The following ICA1 variants were observed in gnomAD, a reference collection of about 807,000 sequenced individuals.
ICA1 encodes the protein 69 kDa islet cell autoantigen.
ICA1 carries 40 observed loss-of-function variants against 71.0 expected under a neutral mutation model. The observed-to-expected ratio is 0.56, with a 90% confidence interval of 0.44 to 0.73. The LOEUF is 0.73. ICA1 is among the 30% of genes least tolerant of loss of function. ICA1 has a pLI of 0.00. For missense variants in ICA1, 578 were observed against 576.5 expected (o/e 1.00, Z -0.03); for synonymous variants, 207 against 209.5 (o/e 0.99, Z 0.10).
chr7:8,242,379 C>T (rs1347264137), intron 1 of ICA1, among the ~76,000 whole-genome samples: 1 of 152,152 alleles, frequency 6.6e-6, no homozygotes, highest in African/African-American at 2.4e-5. Flanking sequence ...AGAACAAAGA[C>T]ACAATGTACC....
At chr7:8,191,000 A>C (rs1785402081) in intron 6 of ICA1, among the ~76,000 whole-genome samples, 1 of 152,212 alleles carries the variant, frequency 6.6e-6, no homozygotes, top group Non-Finnish European at 1.5e-5. Context: ...ATAATGAACA[A>C]ATGGTCATCA....
chr7:8,172,313 T>C (rs1186293407), intron 6 of ICA1, among the ~76,000 whole-genome samples: 2 of 152,108 alleles, frequency 1.3e-5, no homozygotes, highest in Non-Finnish European at 2.9e-5. Context: ...ATTGACCCTA[T>C]TATCTTCAAT....
At chr7:8,214,091 A>G (rs1010292643) in intron 6 of ICA1, among the ~76,000 whole-genome samples, 1 of 152,200 alleles carries the variant, frequency 6.6e-6, no homozygotes, top group Non-Finnish European at 1.5e-5. Context: ...AGACTCCTAT[A>G]AATGCCCACG....
At chr7:8,190,486 C>G (rs1160953286) in intron 6 of ICA1, among the ~76,000 whole-genome samples, 4 of 152,182 alleles carry the variant, frequency 2.6e-5, no homozygotes, top group African/African-American at 7.2e-5. Context: ...TAAGGTAATA[C>G]AGTTAGCTCT....
intron 2 of ICA1, 124 bp downstream of exon 2, chr7:8,235,786 G>C: frequency 1.0e-6 from 1 of 962,324 alleles, no homozygotes; most frequent in Non-Finnish European, 1.6e-6. Context: ...GCTCAGCATT[G>C]GTGAGGGCTA....
chr7:8,141,969 A>G, intron 9 of ICA1, 152 bp from the exon 10 acceptor site: 1 of 1,507,778 alleles, frequency 6.6e-7, no homozygotes. Flanking sequence ...AGTCATTTAC[A>G]TGCCAATTTG....
chr7:8,213,510 C>T (rs1794485262), intron 6 of ICA1, among the ~76,000 whole-genome samples: 1 of 152,194 alleles, frequency 6.6e-6, no homozygotes, highest in East Asian at 1.9e-4. Context: ...AAGGAAAGGC[C>T]TTCGTCCTAC....
At chr7:8,183,925 C>T (rs1397117530) in intron 6 of ICA1, among the ~76,000 whole-genome samples, 2 of 152,120 alleles carry the variant, frequency 1.3e-5, no homozygotes, top group Non-Finnish European at 2.9e-5. Context: ...ATATAAAAAA[C>T]ATAGTATTTG....
chr7:8,143,991 A>G lies in ICA1; in HGVS notation c.805-19T>C, dbSNP rs764059097. On this transcript the variant is annotated intron_variant, in intron 8 of 13. Coordinates refer to ENST00000402384, the MANE Select transcript of ICA1 (RefSeq NM_001136020.3). ...GTAAGCTCTTGATCACGAGCCATAG[A>G]AAAATGAAAAAGAAAAAAAAAGAAG... 1.5e-6 allele frequency: 2 copies of G among 1,293,230 alleles called. No individual in the cohort carries two copies. The highest frequency in any genetic ancestry group is 1.5e-5 in the African/African-American group (1 of 67,388). The allele number at this position is 1,293,230 out of a possible 1,614,324, so 80.1% of individuals were successfully genotyped here.
At chr7:8,203,806 T>A (rs73059589) in intron 6 of ICA1, among the ~76,000 whole-genome samples, 16,337 of 152,250 alleles carry the variant, frequency 0.11, 938 homozygotes, top group Non-Finnish European at 0.13. Flanking sequence ...GCTTTAAACC[T>A]GTGGGGCAAT....
chr7:8,216,584 C>CAAAAAAAAAAAAAAA (rs142208758), intron 6 of ICA1, among the ~76,000 whole-genome samples: 2 of 143,670 alleles, frequency 1.4e-5, no homozygotes, highest in Non-Finnish European at 1.5e-5. Context: ...AAAACAAAAC[C>CAAAAAAAAAAAAAAA]AAAAAAAAAA....
intron 9 of ICA1, 96 bp from the exon 10 acceptor site, chr7:8,141,913 C>G (rs2128125967): frequency 7.8e-7 from 1 of 1,281,634 alleles, no homozygotes; most frequent in East Asian, 2.8e-5. Context: ...ACTTTTAACA[C>G]AAACACATAC....
chr7:8,164,340 G>A (rs1328487536), intron 6 of ICA1, among the ~76,000 whole-genome samples: 1 of 149,256 alleles, frequency 6.7e-6, no homozygotes, highest in Non-Finnish European at 1.5e-5. Context: ...GAATAGATCT[G>A]GAGTCAAGAG....
intron 8 of ICA1, among the ~76,000 whole-genome samples, chr7:8,153,957 CT>C (rs2128179460): frequency 6.6e-6 from 1 of 151,160 alleles, no homozygotes; most frequent in South Asian, 2.1e-4. Context: ...GATAGTTTCT[CT>C]GCCTTAAACT....
chr7:8,174,850 G>A (rs1263473954), intron 6 of ICA1, among the ~76,000 whole-genome samples: 2 of 151,444 alleles, frequency 1.3e-5, no homozygotes, highest in Admixed American at 1.3e-4. Flanking sequence ...ACTCTTGGCA[G>A]CATCATTCTA....
intron 6 of ICA1, among the ~76,000 whole-genome samples, chr7:8,181,964 T>C (rs1782314205): frequency 6.6e-6 from 1 of 152,306 alleles, no homozygotes; most frequent in Non-Finnish European, 1.5e-5. Context: ...CCTGCTCCTT[T>C]ATGATCTAAT....
At chr7:8,158,492 T>C (rs1802526861) in intron 7 of ICA1, 35 bp downstream of exon 7, 2 of 1,611,966 alleles carry the variant, frequency 1.2e-6, no homozygotes, top group Non-Finnish European at 1.7e-6. Context: ...CCTTGTGCCA[T>C]CCTTGGTTCA....
chr7:8,187,704 AC>A (rs1784330694), intron 6 of ICA1, among the ~76,000 whole-genome samples: 1 of 152,244 alleles, frequency 6.6e-6, no homozygotes, highest in African/African-American at 2.4e-5. Context: ...GTACAACTGT[AC>A]AAAAGATTTC....
intron 8 of ICA1, among the ~76,000 whole-genome samples, chr7:8,148,945 T>C (rs1018504373): frequency 3.9e-5 from 6 of 152,298 alleles, no homozygotes; most frequent in African/African-American, 7.2e-5. Flanking sequence ...CTCCCCGACG[T>C]TGGATCACAA....
Sources: gnomAD v4.1 joint callset for allele counts (sites outside exome capture counted in the v4.1 genomes callset) on GRCh38, gnomAD v4.1.1 for gene constraint, MANE v1.5 for transcripts, NCBI Gene and HGNC (gene_info 2026-07-23, HGNC 2026-07-21) for gene names.